TOX4: variants seen among roughly 807,000 people sequenced by gnomAD.
TOX4 encodes the protein TOX high mobility group box family member 4, also known as epidermal Langerhans cell protein LCP1.
A neutral mutation model predicts 61.0 loss-of-function variants in TOX4; 12 were observed. The observed-to-expected ratio is 0.20, with a 90% CI of 0.13 to 0.32. TOX4 has a LOEUF of 0.32. TOX4 is among the 10% of genes least tolerant of loss of function. TOX4 has a pLI of 1.00. For missense variants in TOX4, 499 were observed against 753.3 expected (o/e 0.66, Z 3.95); for synonymous variants, 268 against 274.8 (o/e 0.98, Z 0.24).
Position 21,489,156 on chromosome 14 carries a change from T to C in TOX4, c.580-17T>C, listed in dbSNP as rs369379217. The stretch of plus-strand genomic sequence containing the variant: ...TCATTGTCCATTGTGTAATTCTCTC[T>C]TTTTTCTCTCCTACAGCAACTTCCC... On this transcript the variant is annotated splice_polypyrimidine_tract_variant and intron_variant, in intron 4 of 8. Transcript: ENST00000448790. The C allele has an allele frequency of 1.9e-6, 3 of 1,608,498 alleles. No individual in the cohort carries two copies. The highest frequency in any genetic ancestry group is 1.7e-4 in the Middle Eastern group (1 of 6,034).
In TOX4 at chr14:21,493,249, G is replaced by A; in HGVS notation, c.1633G>A (p.Val545Ile). 6.2e-7 allele frequency: 1 copy of A among 1,602,352 alleles called. No homozygotes were observed. Among genetic ancestry groups the A allele is most frequent in the South Asian group, 1.1e-5 (1 of 89,250 alleles). The change falls in exon 7 of 9, where the codon GTT becomes ATT. Residue 545 changes from valine (V) to isoleucine (I), a missense_variant. Val to Ile is a conservative substitution (Grantham distance 29, BLOSUM62 3). Coordinates refer to ENST00000448790, the MANE Select transcript of TOX4 (RefSeq NM_014828.4). The stretch of plus-strand genomic sequence containing the variant: ...TATCTGTGAGATGATCACAGATGTA[G>A]TTCCTGAGGTGAGCCTTTGTTTTTA... ...ETICEMITDV[V>I]PEVESPSQMD... is the part of the protein sequence containing the mutation.
At position 21,487,665 on chromosome 14, in the gene TOX4, G is replaced by T. The variant is rs1369199117; in HGVS notation, c.290G>T (p.Gly97Val). Residue 97 changes from glycine to valine, a missense_variant, in exon 3 of 9, where the codon GGG becomes GTG. Around this residue, in one of 7 missense-constraint regions of TOX4, gnomAD observed 90 missense variants for 109.5 expected, o/e 0.82. Transcript: ENST00000448790. The part of the protein sequence containing the change: ...GMTHGLMEQG[G>V]GLLSGGLTMD... ...ACCCATGGCTTGATGGAGCAGGGCGGGGGGCTCCTGAGTGGGGGCTTGACC... is the reference window on the plus strand; with the variant it reads ...ACCCATGGCTTGATGGAGCAGGGCGTGGGGCTCCTGAGTGGGGGCTTGACC... 6.2e-7 allele frequency: 1 copy of T among 1,613,334 alleles called. No individual in the cohort carries two copies. The highest frequency in any genetic ancestry group is 8.5e-7 in the Non-Finnish European group (1 of 1,179,354).
chr14:21,497,623 G>A lies in TOX4; in HGVS notation c.*1017G>A, dbSNP rs1326647914. 6.7e-6 allele frequency: 1 copy of A among 148,648 alleles called. No homozygotes were observed. The highest frequency in any genetic ancestry group is 2.5e-5 in the African/African-American group (1 of 40,554). 9.2% of individuals were successfully genotyped at this position (148,648 alleles called of 1,614,324 possible). A position where few individuals can be genotyped will look rare whatever the true frequency, so the allele number is the denominator to read the frequency against. On this transcript the variant is annotated 3_prime_UTR_variant, in exon 9 of 9. Transcript: ENST00000448790. Reference sequence around the variant, plus strand: ...GCTCACTGAAACCTCTGCCTCCCGGGTTCAAGCGATTCTCCTGCATCAGCC... The same window carrying A: ...GCTCACTGAAACCTCTGCCTCCCGGATTCAAGCGATTCTCCTGCATCAGCC...
chr14:21,484,329 C>CTTTTTTTT lies in TOX4; in HGVS notation c.76-3092_76-3085dup, dbSNP rs533570141. ...CTGGAAATTTTCTTTCTAGCAATGT[C>CTTTTTTTT]TTTTTTTTTTTTTTTTTTTTTTTTT... On this transcript the variant is annotated intron_variant, in intron 2 of 8. Coordinates refer to ENST00000448790, the MANE Select transcript of TOX4 (RefSeq NM_014828.4). Among the ~76,000 whole-genome samples, 3 of 44,234 alleles carry CTTTTTTTT rather than the reference C, an allele frequency of 6.8e-5. 1 individual carries two copies. Among genetic ancestry groups the CTTTTTTTT allele is most frequent in the African/African-American group, 2.5e-4 (3 of 12,206 alleles). The allele number at this position is 44,234 out of a possible 152,430, so 29.0% of individuals were successfully genotyped here. A position where few individuals can be genotyped will look rare whatever the true frequency, so the allele number is the denominator to read the frequency against.
At position 21,498,560 on chromosome 14, in the gene TOX4, A is replaced by ATTTTT. The variant is rs2139637284; in HGVS notation, c.*1955_*1956insTTTTT. On this transcript the variant is annotated 3_prime_UTR_variant, in exon 9 of 9. Coordinates refer to ENST00000448790, the MANE Select transcript of TOX4 (RefSeq NM_014828.4). The stretch of plus-strand genomic sequence containing the variant: ...AATTGGCATAGATTCTGGTGTTAAA[A>ATTTTT]TAGACTGGATCTGTATTATCTGAGG... 1 of 611,324 alleles carries ATTTTT rather than the reference A, an allele frequency of 1.6e-6. No homozygotes were observed. Among genetic ancestry groups the ATTTTT allele is most frequent in the Middle Eastern group, 4.3e-4 (1 of 2,310 alleles). 37.9% of individuals were successfully genotyped at this position (611,324 alleles called of 1,614,324 possible). A position where few individuals can be genotyped will look rare whatever the true frequency, so the allele number is the denominator to read the frequency against.
intron 5 of TOX4, among the ~76,000 whole-genome samples, chr14:21,490,393 T>C (rs111240495): frequency 2.0e-5 from 3 of 152,220 alleles, no homozygotes; most frequent in Non-Finnish European, 2.9e-5. Context: ...GAGAATTGCT[T>C]GAACCCGGGA....
At chr14:21,493,659 G>A (rs1411351036) in intron 7 of TOX4, among the ~76,000 whole-genome samples, 2 of 152,052 alleles carry the variant, frequency 1.3e-5, no homozygotes, top group East Asian at 1.9e-4. Context: ...GGCTGGTCTC[G>A]AACTCCTGAT....
Position 21,497,916 on chromosome 14 carries a change from A to G in TOX4, c.*1310A>G, listed in dbSNP as rs1323297770. On this transcript the variant is annotated 3_prime_UTR_variant, in exon 9 of 9. Transcript: ENST00000448790. ...CAGTCTAGTCTTGAACTCCTGGGCTACAGTTACCCTCCTACCTCGGCTTCC... is the reference window on the plus strand; with the variant it reads ...CAGTCTAGTCTTGAACTCCTGGGCTGCAGTTACCCTCCTACCTCGGCTTCC... The G allele has an allele frequency of 9.5e-6, 2 of 209,532 alleles. No individual in the cohort carries two copies. The highest frequency in any genetic ancestry group is 9.6e-6 in the Non-Finnish European group (1 of 103,652). 13.0% of individuals were successfully genotyped at this position (209,532 alleles called of 1,614,324 possible).
chr14:21,495,184 C>T (rs1445293185), intron 7 of TOX4, 45 bp from the exon 8 acceptor site: 1 of 1,595,582 alleles, frequency 6.3e-7, no homozygotes, highest in Admixed American at 1.7e-5. Flanking sequence ...GCTAGCTAGG[C>T]AGGGAGCAAT....
chr14:21,482,313 A>G (rs1891119485), intron 2 of TOX4, among the ~76,000 whole-genome samples: 1 of 152,228 alleles, frequency 6.6e-6, no homozygotes. Context: ...TCACTACTAC[A>G]TCAGTTTTTA....
chr14:21,489,611 C>T (rs956214997), intron 5 of TOX4, among the ~76,000 whole-genome samples: 2 of 151,808 alleles, frequency 1.3e-5, no homozygotes, highest in Non-Finnish European at 2.9e-5. Flanking sequence ...CAGAGTCTCG[C>T]TCTGTCACCC....
intron 8 of TOX4, 120 bp downstream of exon 8, chr14:21,495,512 C>CT: frequency 8.2e-7 from 1 of 1,223,110 alleles, no homozygotes; most frequent in East Asian, 2.5e-5. Context: ...GAGTAGGTTG[C>CT]TGTATCTGGT....
intron 2 of TOX4, chr14:21,482,439 A>T: frequency 2.6e-6 from 1 of 390,118 alleles, no homozygotes; most frequent in Non-Finnish European, 5.1e-6. Flanking sequence ...GAAATAATAG[A>T]TTGTATGTTT....
intron 2 of TOX4, among the ~76,000 whole-genome samples, chr14:21,479,832 T>C (rs1424175207): frequency 1.3e-5 from 2 of 152,198 alleles, no homozygotes; most frequent in African/African-American, 4.8e-5. Context: ...AATTTTGTTA[T>C]TTAGAGTGTT....
intron 2 of TOX4, among the ~76,000 whole-genome samples, chr14:21,483,294 G>A (rs1891138443): frequency 6.6e-6 from 1 of 151,970 alleles, no homozygotes; most frequent in South Asian, 2.1e-4. Flanking sequence ...CTTTGCCAAA[G>A]CAATCTGTAT....
Position 21,498,335 on chromosome 14 carries a change from G to A in TOX4, c.*1729G>A, listed in dbSNP as rs767044308. On this transcript the variant is annotated 3_prime_UTR_variant, in exon 9 of 9. Transcript: ENST00000448790. Reference sequence around the variant, plus strand: ...CGTGCAACCACATCTGGGTCTAGTAGGTGGATCCCATCCAGTTGGTTTCCA... The same window carrying A: ...CGTGCAACCACATCTGGGTCTAGTAAGTGGATCCCATCCAGTTGGTTTCCA... 6.2e-7 allele frequency: 1 copy of A among 1,614,144 alleles called. No homozygotes were observed. The highest frequency in any genetic ancestry group is 8.5e-7 in the Non-Finnish European group (1 of 1,180,026).
At chr14:21,488,460 CTATT>C in intron 3 of TOX4, 126 bp from the exon 4 acceptor site, 2 of 857,208 alleles carry the variant, frequency 2.3e-6, no homozygotes, top group Non-Finnish European at 3.5e-6. Flanking sequence ...TTTTTGAAGA[CTATT>C]TTATGTTTTG....
At chr14:21,478,274 T>C (rs1003346031) in intron 2 of TOX4, among the ~76,000 whole-genome samples, 5 of 152,218 alleles carry the variant, frequency 3.3e-5, no homozygotes, top group Admixed American at 1.3e-4. Context: ...TGTGGTTACC[T>C]TTACCTACAT....
rs1361351849 is a variant in TOX4, at chr14:21,492,936, A to G, written c.1320A>G (p.Pro440=). 16 of 1,610,578 alleles carry G rather than the reference A, an allele frequency of 9.9e-6. No individual in the cohort carries two copies. Among genetic ancestry groups the G allele is most frequent in the Middle Eastern group, 1.7e-4 (1 of 6,050 alleles). ...AAAAASMQLP[P]PRLQPPPLQQ... ...CTGCTGCTTCTATGCAACTGCCTCC[A>G]CCCCGACTACAGCCCCCTCCATTAC... The change falls in exon 7 of 9, where the codon CCA becomes CCG. Residue 440 remains proline (P), a synonymous_variant. Coordinates refer to ENST00000448790, the MANE Select transcript of TOX4 (RefSeq NM_014828.4).
Sources: allele counts gnomAD v4.1 joint callset (sites outside exome capture counted in the v4.1 genomes callset), GRCh38; gene constraint gnomAD v4.1.1; regional missense constraint gnomAD v4.1.1; transcripts MANE v1.5; gene names NCBI Gene and HGNC (gene_info 2026-07-23, HGNC 2026-07-21).